The following PPARGC1A variants were observed in gnomAD, a reference collection of about 807,000 sequenced individuals.
PPARGC1A encodes PPARG coactivator 1 alpha.
In PPARGC1A, 25 loss-of-function variants were observed where a neutral mutation model predicts 88.7. The ratio of observed to expected loss-of-function variants is 0.28; its 90% confidence interval spans 0.21 to 0.39. The LOEUF is 0.39. Ranked by LOEUF, PPARGC1A falls within the 10% of genes least tolerant of loss-of-function variation. PPARGC1A has a pLI of 1.00. For synonymous variants in PPARGC1A, 363 were observed against 355.6 expected, an observed-to-expected ratio of 1.02 and a Z score of -0.24; for missense variants, 880 against 968.7, an observed-to-expected ratio of 0.91 and a Z score of 1.22.
chr4:23,865,467 T>C (rs751376482), intron 2 of PPARGC1A, among the ~76,000 whole-genome samples: 11 of 152,150 alleles, frequency 7.2e-5, no homozygotes, highest in Non-Finnish European at 1.3e-4. Context: ...AAAATGTTTA[T>C]GAGAAGGCTG....
chr4:23,802,164 T>C (rs1718875252), intron 11 of PPARGC1A, 60 bp downstream of exon 11: 1 of 1,609,358 alleles, frequency 6.2e-7, no homozygotes, highest in South Asian at 1.1e-5. Context: ...AGTAATCTTA[T>C]GGCCATAATT....
chr4:24,471,725 G>A, the PPARGC1A span, among the ~76,000 whole-genome samples: 1 of 152,150 alleles, frequency 6.6e-6, no homozygotes, highest in Admixed American at 6.5e-5. This position sits in a 1 kb window ranked among gnomAD's most constrained non-coding sequence, Gnocchi z 5.4. Flanking sequence ...CGATGCAGCC[G>A]GACTGCATTG....
chr4:24,455,785 C>G, the PPARGC1A span, among the ~76,000 whole-genome samples: 1 of 152,208 alleles, frequency 6.6e-6, no homozygotes, highest in Non-Finnish European at 1.5e-5. Flanking sequence ...TACCTTCTGC[C>G]ATGAAATGAT....
the PPARGC1A span, among the ~76,000 whole-genome samples, chr4:24,359,729 A>G: frequency 6.6e-6 from 1 of 152,294 alleles, no homozygotes; most frequent in Non-Finnish European, 1.5e-5. Context: ...GTGACTTTGG[A>G]AACAAAAATT....
intron 2 of PPARGC1A, among the ~76,000 whole-genome samples, chr4:23,867,361 G>A (rs1463120477): frequency 6.6e-6 from 1 of 152,186 alleles, no homozygotes; most frequent in Admixed American, 6.5e-5. Flanking sequence ...TGCCTAGCAT[G>A]TAGTTGTTGC....
the PPARGC1A span, among the ~76,000 whole-genome samples, chr4:23,944,875 C>A: frequency 6.6e-6 from 1 of 152,136 alleles, no homozygotes; most frequent in Non-Finnish European, 1.5e-5. Flanking sequence ...GTCAATTAAA[C>A]CTCTTTCCTT....
the PPARGC1A span, among the ~76,000 whole-genome samples, chr4:24,394,849 A>T: frequency 6.6e-6 from 1 of 152,248 alleles, no homozygotes; most frequent in Non-Finnish European, 1.5e-5. Context: ...ATGTGGGGGA[A>T]AAAATGCTTG....
the PPARGC1A span, among the ~76,000 whole-genome samples, chr4:24,220,296 A>T: frequency 6.6e-6 from 1 of 152,236 alleles, no homozygotes; most frequent in Non-Finnish European, 1.5e-5. Flanking sequence ...TAGTTCAGAC[A>T]CTGTAGAAAG....
the PPARGC1A span, among the ~76,000 whole-genome samples, chr4:24,468,384 G>A: frequency 6.6e-6 from 1 of 152,296 alleles, no homozygotes. Flanking sequence ...TTAACTGGGG[G>A]TTTCATTCTA....
chr4:24,358,840 T>C, the PPARGC1A span, among the ~76,000 whole-genome samples: 1 of 152,208 alleles, frequency 6.6e-6, no homozygotes, highest in Non-Finnish European at 1.5e-5. Flanking sequence ...ACCCTGAGCG[T>C]GGCATGGCCT....
the PPARGC1A span, among the ~76,000 whole-genome samples, chr4:24,081,743 ATT>A: frequency 1.4e-5 from 2 of 146,406 alleles, no homozygotes; most frequent in Admixed American, 6.8e-5. Context: ...TAAGAACACA[ATT>A]TTTTTTTTTT....
chr4:23,880,517 A>G (rs1360458353), intron 2 of PPARGC1A, among the ~76,000 whole-genome samples: 1 of 152,200 alleles, frequency 6.6e-6, no homozygotes, highest in Non-Finnish European at 1.5e-5. Context: ...GGTCTGTTGA[A>G]CTGCCAATAT....
the PPARGC1A span, among the ~76,000 whole-genome samples, chr4:24,452,759 T>C: frequency 6.6e-6 from 1 of 152,136 alleles, no homozygotes; most frequent in Admixed American, 6.5e-5. Flanking sequence ...TACAGTCTAG[T>C]GGGGAGACAT....
At chr4:23,813,396 A>C (rs536286702) in intron 8 of PPARGC1A, among the ~76,000 whole-genome samples, 1 of 152,192 alleles carries the variant, frequency 6.6e-6, no homozygotes, top group Non-Finnish European at 1.5e-5. Flanking sequence ...GATCTCCACT[A>C]TCCTGGCACA....
the PPARGC1A span, among the ~76,000 whole-genome samples, chr4:24,042,600 A>G: frequency 2.0e-5 from 3 of 152,220 alleles, no homozygotes; most frequent in African/African-American, 7.2e-5. Flanking sequence ...AGCCAATGCA[A>G]TAGATACCGG....
the PPARGC1A span, among the ~76,000 whole-genome samples, chr4:24,274,617 A>G: frequency 6.6e-6 from 1 of 152,184 alleles, no homozygotes; most frequent in African/African-American, 2.4e-5. Flanking sequence ...TTATTCAACC[A>G]TTTAAACATG....
At chr4:23,798,531 C>T (rs1286669484) in intron 12 of PPARGC1A, among the ~76,000 whole-genome samples, 1 of 152,068 alleles carries the variant, frequency 6.6e-6, no homozygotes, top group Non-Finnish European at 1.5e-5. Flanking sequence ...ATCAAGAATA[C>T]TGATAATACA....
At chr4:23,927,494 G>C in the PPARGC1A span, among the ~76,000 whole-genome samples, 1 of 152,040 alleles carries the variant, frequency 6.6e-6, no homozygotes, top group Admixed American at 6.6e-5. Context: ...AGGGTAATTG[G>C]ATCTGTTTCA....
At chr4:23,961,995 G>A in the PPARGC1A span, among the ~76,000 whole-genome samples, 1 of 152,120 alleles carries the variant, frequency 6.6e-6, no homozygotes, top group African/African-American at 2.4e-5. Context: ...TGCACTGTTA[G>A]GTGCCATTTC....
Sources: gnomAD v4.1 joint callset for allele counts (sites outside exome capture counted in the v4.1 genomes callset) on GRCh38, gnomAD v4.1.1 for gene constraint, Gnocchi (gnomAD v3.1) non-coding constraint, MANE v1.5 for transcripts, NCBI Gene and HGNC (gene_info 2026-07-23, HGNC 2026-07-21) for gene names.